CAST: variants seen among roughly 807,000 people sequenced by gnomAD.
CAST encodes MIR583 host.
In CAST, 76 loss-of-function variants were observed where a neutral mutation model predicts 119.6. That is an observed-to-expected ratio of 0.64 (90% CI 0.53 to 0.77). CAST has a LOEUF of 0.77. Ranked by LOEUF, CAST falls within the 30% of genes least tolerant of loss-of-function variation. The pLI is 0.00. For synonymous variants in CAST, 319 were observed against 331.6 expected, an observed-to-expected ratio of 0.96 and a Z score of 0.41; for missense variants, 953 against 946.5, an observed-to-expected ratio of 1.01 and a Z score of -0.09.
the CAST span, chr5:96,422,039 T>C: frequency 1.8e-5 from 14 of 788,308 alleles, no homozygotes; most frequent in African/African-American, 2.3e-4. Flanking sequence ...CCCAAGCCTC[T>C]TACCCTATGC....
At chr5:96,653,554 C>G (rs570802274) in intron 1 of CAST, among the ~76,000 whole-genome samples, 6 of 152,238 alleles carry the variant, frequency 3.9e-5, no homozygotes, top group Non-Finnish European at 8.8e-5. Context: ...ACAAATAAAA[C>G]CTCGTAACAT....
the CAST span, among the ~76,000 whole-genome samples, chr5:95,985,055 G>A: frequency 2.0e-5 from 3 of 152,092 alleles, no homozygotes; most frequent in Admixed American, 6.6e-5. Context: ...CTCACATCCT[G>A]TAATCCCAGC....
the CAST span, among the ~76,000 whole-genome samples, chr5:96,197,688 A>C: frequency 6.6e-6 from 1 of 152,046 alleles, no homozygotes; most frequent in Non-Finnish European, 1.5e-5. Flanking sequence ...TCCTATTGCT[A>C]CCCCCTTCAC....
intron 1 of CAST, among the ~76,000 whole-genome samples, chr5:96,572,031 T>C (rs753158655): frequency 1.3e-5 from 2 of 152,214 alleles, no homozygotes; most frequent in African/African-American, 2.4e-5. Flanking sequence ...GGTTTACAAA[T>C]AATAAACATT....
At chr5:96,243,722 G>A in the CAST span, among the ~76,000 whole-genome samples, 126 of 152,276 alleles carry the variant, frequency 8.3e-4, no homozygotes, top group Non-Finnish European at 1.5e-3. Flanking sequence ...TTTATCAAAT[G>A]TAGTGGATTT....
intron 3 of CAST, among the ~76,000 whole-genome samples, chr5:96,708,231 G>A (rs1001177558): frequency 1.6e-4 from 25 of 152,176 alleles, no homozygotes; most frequent in Admixed American, 6.5e-5. Flanking sequence ...TTAGAGAGGT[G>A]AGTCTGCATC....
chr5:96,577,220 G>T (rs261245), intron 1 of CAST, among the ~76,000 whole-genome samples: 5 of 151,710 alleles, frequency 3.3e-5, no homozygotes, highest in African/African-American at 4.8e-5. Flanking sequence ...GTTGGTCACA[G>T]AATTCCATTA....
At chr5:96,495,429 C>T in the CAST span, among the ~76,000 whole-genome samples, 1 of 152,116 alleles carries the variant, frequency 6.6e-6, no homozygotes, top group African/African-American at 2.4e-5. Flanking sequence ...TCCCTCCACT[C>T]CCCAATAGGC....
At chr5:95,964,639 A>G in the CAST span, among the ~76,000 whole-genome samples, 15 of 152,202 alleles carry the variant, frequency 9.9e-5, no homozygotes, top group Non-Finnish European at 1.8e-4. Context: ...GGTGGTATAG[A>G]TGGAGACAGC....
chr5:96,509,346 A>G, the CAST span, among the ~76,000 whole-genome samples: 3 of 152,212 alleles, frequency 2.0e-5, no homozygotes, highest in Admixed American at 6.5e-5. Context: ...TAGTGGTTCA[A>G]ATCCAATTTT....
At chr5:96,360,943 C>A in the CAST span, among the ~76,000 whole-genome samples, 1 of 152,202 alleles carries the variant, frequency 6.6e-6, no homozygotes, top group African/African-American at 2.4e-5. Flanking sequence ...GCTGCCCCTT[C>A]CCCCAGGTGC....
At chr5:96,301,117 C>G in the CAST span, among the ~76,000 whole-genome samples, 1 of 152,072 alleles carries the variant, frequency 6.6e-6, no homozygotes, top group South Asian at 2.1e-4. Context: ...CCTAAGGAAA[C>G]TTAGAATCAT....
chr5:96,467,861 C>A, the CAST span, among the ~76,000 whole-genome samples: 1 of 151,912 alleles, frequency 6.6e-6, no homozygotes, highest in African/African-American at 2.4e-5. Flanking sequence ...ATCTACTGTT[C>A]GATCCAGCAA....
intron 2 of CAST, among the ~76,000 whole-genome samples, chr5:96,684,090 C>T (rs1382211033): frequency 6.6e-6 from 1 of 152,150 alleles, no homozygotes; most frequent in Non-Finnish European, 1.5e-5. Flanking sequence ...GGATTTAATT[C>T]CCAGCTCTGC....
At chr5:96,167,919 G>T in the CAST span, among the ~76,000 whole-genome samples, 2,447 of 152,288 alleles carry the variant, frequency 0.016, 55 homozygotes, top group African/African-American at 0.054. Flanking sequence ...TCCCTGAGGA[G>T]TAGTAGAATA....
chr5:96,007,261 GT>G, the CAST span, among the ~76,000 whole-genome samples: 1 of 152,182 alleles, frequency 6.6e-6, no homozygotes, highest in Non-Finnish European at 1.5e-5. Flanking sequence ...CTTGGAGGTG[GT>G]ACAGAGTGTT....
intron 16 of CAST, among the ~76,000 whole-genome samples, chr5:96,743,265 G>A (rs907462120): frequency 4.6e-5 from 7 of 152,262 alleles, no homozygotes; most frequent in African/African-American, 1.4e-4. Flanking sequence ...TGTTTATCCC[G>A]CCACACTCCA....
At chr5:96,071,243 C>T in the CAST span, among the ~76,000 whole-genome samples, 2 of 151,998 alleles carry the variant, frequency 1.3e-5, no homozygotes, top group Non-Finnish European at 2.9e-5. Flanking sequence ...TATTTCCTAA[C>T]AACCCTTCCC....
chr5:96,762,983 C>G, intron 25 of CAST: 2 of 606,020 alleles, frequency 3.3e-6, no homozygotes, highest in South Asian at 3.8e-5. Context: ...GACTAATCAC[C>G]TGTGCAATAC....
Sources: gnomAD v4.1 joint callset for allele counts (sites outside exome capture counted in the v4.1 genomes callset) on GRCh38, gnomAD v4.1.1 for gene constraint, MANE v1.5 for transcripts, NCBI Gene and HGNC (gene_info 2026-07-23, HGNC 2026-07-21) for gene names.